GRID1: variants seen among roughly 807,000 people sequenced by gnomAD.
GRID1 encodes the protein glutamate ionotropic receptor delta type subunit 1, also known as glutamate receptor ionotropic, delta-1.
In GRID1, 28 loss-of-function variants were observed where a neutral mutation model predicts 98.0. The observed-to-expected ratio is 0.29, with a 90% CI of 0.21 to 0.39. The LOEUF (loss-of-function observed/expected upper bound fraction) is 0.39. Among genes scored for constraint, GRID1 ranks in the 10% least tolerant of loss-of-function variants. GRID1 has a pLI of 1.00. For synonymous variants in GRID1, 553 were observed against 538.5 expected, an observed-to-expected ratio of 1.03 and a Z score of -0.37; for missense variants, 1,111 against 1,340.5, an observed-to-expected ratio of 0.83 and a Z score of 2.67.
At chr10:86,248,723 C>T (rs1348342958) in intron 2 of GRID1, among the ~76,000 whole-genome samples, 1 of 151,962 alleles carries the variant, frequency 6.6e-6, no homozygotes, top group South Asian at 2.1e-4. Flanking sequence ...CAAACATGCA[C>T]CACCACACCC....
chr10:85,757,792 G>C (rs1332175494), intron 8 of GRID1, among the ~76,000 whole-genome samples: 1 of 152,140 alleles, frequency 6.6e-6, no homozygotes, highest in Non-Finnish European at 1.5e-5. Context: ...TCCAAGGTGG[G>C]GACAGTCATT....
intron 13 of GRID1, among the ~76,000 whole-genome samples, chr10:85,630,754 C>T (rs1842966323): frequency 6.6e-6 from 1 of 152,128 alleles, no homozygotes; most frequent in Admixed American, 6.5e-5. Flanking sequence ...CAGGTCCCAT[C>T]CCAAGACCCA....
chr10:86,127,136 G>A (rs959759199), intron 4 of GRID1, among the ~76,000 whole-genome samples: 3 of 152,176 alleles, frequency 2.0e-5, no homozygotes, highest in Admixed American at 6.5e-5. Flanking sequence ...ACCCTGCTTC[G>A]CTAGGCACAG....
intron 4 of GRID1, among the ~76,000 whole-genome samples, chr10:85,962,182 G>A (rs1433833810): frequency 6.6e-6 from 1 of 152,094 alleles, no homozygotes; most frequent in Non-Finnish European, 1.5e-5. Context: ...GGTCCCTGGT[G>A]GGCTCCTACA....
intron 3 of GRID1, among the ~76,000 whole-genome samples, chr10:86,177,788 G>A (rs755998577): frequency 6.6e-6 from 1 of 152,006 alleles, no homozygotes; most frequent in African/African-American, 2.4e-5. Context: ...ATGCATTACA[G>A]AGAAACAGAA....
At chr10:85,775,496 A>T (rs1005923003) in intron 8 of GRID1, among the ~76,000 whole-genome samples, 7 of 151,978 alleles carry the variant, frequency 4.6e-5, no homozygotes, top group South Asian at 2.1e-4. Flanking sequence ...AATAAAATTT[A>T]AAAAAAAGAT....
chr10:86,038,613 G>A (rs918547236), intron 4 of GRID1, among the ~76,000 whole-genome samples: 1 of 152,222 alleles, frequency 6.6e-6, no homozygotes, highest in Non-Finnish European at 1.5e-5. Context: ...CAGGGATCAA[G>A]CTCCAGGCCC....
At chr10:85,857,573 C>T (rs946956296) in intron 6 of GRID1, among the ~76,000 whole-genome samples, 8 of 152,096 alleles carry the variant, frequency 5.3e-5, no homozygotes, top group African/African-American at 9.7e-5. Flanking sequence ...GCGGTGAGGG[C>T]GAGGTAGCGT....
At chr10:85,741,862 A>AG (rs1841946727) in intron 8 of GRID1, among the ~76,000 whole-genome samples, 1 of 151,756 alleles carries the variant, frequency 6.6e-6, no homozygotes, top group Non-Finnish European at 1.5e-5. Context: ...TTCTCTTTCA[A>AG]GCCAAGGTCC....
At chr10:86,151,425 A>G (rs188701120) in intron 3 of GRID1, among the ~76,000 whole-genome samples, 18 of 151,302 alleles carry the variant, frequency 1.2e-4, no homozygotes, top group Admixed American at 4.6e-4. Context: ...AGACACAGCA[A>G]CTCCCATCCC....
At chr10:85,735,331 C>A (rs55866946) in intron 8 of GRID1, among the ~76,000 whole-genome samples, 3,795 of 152,258 alleles carry the variant, frequency 0.025, 154 homozygotes, top group African/African-American at 0.086. Flanking sequence ...CTGCTCTACC[C>A]AAACCAGAAA....
At chr10:85,676,425 T>C (rs1450387722) in intron 12 of GRID1, among the ~76,000 whole-genome samples, 1 of 152,218 alleles carries the variant, frequency 6.6e-6, no homozygotes, top group Admixed American at 6.5e-5. Flanking sequence ...TTCCACCTGA[T>C]ACCATATTCT....
chr10:85,877,753 G>A (rs1331287180), intron 5 of GRID1, among the ~76,000 whole-genome samples: 2 of 152,176 alleles, frequency 1.3e-5, no homozygotes, highest in African/African-American at 2.4e-5. Context: ...CACCAGCAAC[G>A]GAACAAAGCT....
At chr10:85,915,634 TCA>T (rs1490901981) in intron 5 of GRID1, among the ~76,000 whole-genome samples, 3 of 151,572 alleles carry the variant, frequency 2.0e-5, no homozygotes, top group Admixed American at 6.6e-5. Flanking sequence ...ACATGCATGT[TCA>T]CACACTCACA....
chr10:85,683,290 G>C (rs1841231632), intron 12 of GRID1, among the ~76,000 whole-genome samples: 1 of 152,204 alleles, frequency 6.6e-6, no homozygotes, highest in Non-Finnish European at 1.5e-5. Flanking sequence ...GAATGTGTGA[G>C]TGTCAAAGTG....
At chr10:85,957,601 C>T (rs1842211542) in intron 4 of GRID1, among the ~76,000 whole-genome samples, 1 of 152,132 alleles carries the variant, frequency 6.6e-6, no homozygotes, top group African/African-American at 2.4e-5. Context: ...AATATTCTCC[C>T]CGGTGAAAAT....
Position 86,128,480 on chromosome 10 carries a change from T to C in GRID1, c.726+10339A>G, listed in dbSNP as rs1429206469. 3.3e-5 allele frequency among the ~76,000 whole-genome samples: 5 copies of C among 152,302 alleles called. No individual in the cohort carries two copies. The East Asian group carries it at 5.8e-4, about 18-fold the overall frequency. ...TGACTCGAACTGTGGACCACAACCC[T>C]GTACATTGCTTTCCCCCTGACACTG... is the stretch of plus-strand genomic sequence containing the variant. On this transcript the variant is annotated intron_variant, in intron 4 of 15. Transcript: ENST00000327946.
At chr10:86,172,306 C>A (rs57007509) in intron 3 of GRID1, among the ~76,000 whole-genome samples, 8,797 of 152,224 alleles carry the variant, frequency 0.058, 329 homozygotes, top group East Asian at 0.13. Flanking sequence ...TTTCAAGGTT[C>A]ATCGCTACCC....
chr10:86,202,879 A>G (rs1564705150), intron 3 of GRID1, among the ~76,000 whole-genome samples: 1 of 152,228 alleles, frequency 6.6e-6, no homozygotes, highest in Non-Finnish European at 1.5e-5. Flanking sequence ...GCATCAGCCT[A>G]GAGCATGCCA....
Sources: gnomAD v4.1 joint callset for allele counts (sites outside exome capture counted in the v4.1 genomes callset) on GRCh38, gnomAD v4.1.1 for gene constraint, MANE v1.5 for transcripts, NCBI Gene and HGNC (gene_info 2026-07-23, HGNC 2026-07-21) for gene names.